DAB1: variants seen among roughly 807,000 people sequenced by gnomAD.
DAB1 encodes the protein disabled homolog 1.
In DAB1, 15 loss-of-function variants were observed where a neutral mutation model predicts 64.6. The observed-to-expected ratio is 0.23, with a 90% CI of 0.16 to 0.36. The LOEUF is 0.36. DAB1 is among the 10% of genes least tolerant of loss of function. The probability of loss-of-function intolerance (pLI) is 1.00; values close to 1 mark genes in which losing one functional copy is unlikely to be tolerated. For missense variants in DAB1, 596 were observed against 706.7 expected, an observed-to-expected ratio of 0.84 and a Z score of 1.78; for synonymous variants, 235 against 251.9, an observed-to-expected ratio of 0.93 and a Z score of 0.64.
At chr1:58,084,107 T>G (rs1430445395) in intron 5 of DAB1, among the ~76,000 whole-genome samples, 2 of 152,184 alleles carry the variant, frequency 1.3e-5, no homozygotes, top group Non-Finnish European at 2.9e-5. Context: ...TGTATATATG[T>G]AAAGACTTAA....
intron 7 of DAB1, among the ~76,000 whole-genome samples, chr1:57,504,906 C>A (rs953477880): frequency 1.3e-5 from 2 of 152,130 alleles, no homozygotes; most frequent in African/African-American, 4.8e-5. Context: ...CAAAATGCCT[C>A]AGCAGAACTC....
At chr1:58,308,084 T>C (rs567505640) in intron 4 of DAB1, among the ~76,000 whole-genome samples, 248 of 152,164 alleles carry the variant, frequency 1.6e-3, no homozygotes, top group Middle Eastern at 3.2e-3. Context: ...CTGTTCACTG[T>C]GCATACAGAG....
chr1:58,496,169 C>CTTTTTTTTTTTTTTTTTTTTTTTTTTTT (rs375006213), intron 3 of DAB1, among the ~76,000 whole-genome samples: 2 of 144,972 alleles, frequency 1.4e-5, no homozygotes, highest in East Asian at 4.3e-4. Context: ...TTTTTTTAGA[C>CTTTTTTTTTTTTTTTTTTTTTTTTTTTT]TTTTTTTTTT....
chr1:57,979,513 C>T (rs1055093349), intron 5 of DAB1, among the ~76,000 whole-genome samples: 4 of 152,022 alleles, frequency 2.6e-5, no homozygotes, highest in East Asian at 3.9e-4. Context: ...TGTATACCTA[C>T]GTAACAAACC....
Position 57,134,520 on chromosome 1 carries a change from G to A in DAB1, c.306+2023C>T, listed in dbSNP as rs138514456. Reference sequence around the variant, plus strand: ...GGAGAATTACTTGAACCTGGGAGGCGGAGGTTGTAGTGAAGGAGGGAGAGG... The same window carrying A: ...GGAGAATTACTTGAACCTGGGAGGCAGAGGTTGTAGTGAAGGAGGGAGAGG... On this transcript the variant is annotated intron_variant, in intron 4 of 14. Coordinates refer to ENST00000371236, the MANE Select transcript of DAB1 (RefSeq NM_001365792.1). Among the ~76,000 whole-genome samples, 249 of 151,608 alleles carry A rather than the reference G, an allele frequency of 1.6e-3. 7 individuals are homozygous for A. The highest frequency in any genetic ancestry group is 5.7e-3 in the African/African-American group (237 of 41,300).
At chr1:57,639,418 A>G (rs910122281) in intron 7 of DAB1, among the ~76,000 whole-genome samples, 1 of 151,952 alleles carries the variant, frequency 6.6e-6, no homozygotes, top group African/African-American at 2.4e-5. Context: ...TTAGTAAATA[A>G]CTTTAAAGTC....
At chr1:57,638,805 A>G (rs1646091338) in intron 7 of DAB1, among the ~76,000 whole-genome samples, 2 of 152,052 alleles carry the variant, frequency 1.3e-5, no homozygotes, top group African/African-American at 4.8e-5. Flanking sequence ...TGTAACAGTC[A>G]TAGGTAATCC....
intron 5 of DAB1, among the ~76,000 whole-genome samples, chr1:58,125,676 G>C (rs760049595): frequency 2.0e-5 from 3 of 152,014 alleles, no homozygotes; most frequent in Non-Finnish European, 4.4e-5. Context: ...GAACTCCTAG[G>C]CTCAAACAAT....
Position 58,000,564 on chromosome 1 carries a change from C to CTTTTTT in DAB1, n.388-116408_388-116403dup, listed in dbSNP as rs869176789. On this transcript the variant is annotated intron_variant and non_coding_transcript_variant, in intron 5 of 20. Transcript: ENST00000485760. ...TATTCTCTCTTCTCCTCTTTTTTGC[C>CTTTTTT]TTTTTTTTTTTTTTTTTTTTTTTTG... Among the ~76,000 whole-genome samples, 63 of 95,728 alleles carry CTTTTTT rather than the reference C, an allele frequency of 6.6e-4. 1 individual carries two copies. Among genetic ancestry groups the CTTTTTT allele is most frequent in the Non-Finnish European group, 7.0e-4 (36 of 51,400 alleles). The allele number at this position is 95,728 out of a possible 152,430, so 62.8% of individuals were successfully genotyped here.
chr1:58,387,241 A>G (rs1361555769), intron 3 of DAB1, among the ~76,000 whole-genome samples: 1 of 152,164 alleles, frequency 6.6e-6, no homozygotes, highest in African/African-American at 2.4e-5. Context: ...GTTCCCCTCC[A>G]CTCTCTGAAG....
chr1:57,427,523 T>C (rs1570507185), upstream of DAB1, among the ~76,000 whole-genome samples: 1 of 152,152 alleles, frequency 6.6e-6, no homozygotes, highest in Admixed American at 6.5e-5. Context: ...AAATCAAATG[T>C]CAGAAATCGT....
chr1:57,344,539 T>G (rs966510919), intron 1 of DAB1, among the ~76,000 whole-genome samples: 1 of 151,976 alleles, frequency 6.6e-6, no homozygotes, highest in Admixed American at 6.5e-5. Flanking sequence ...CGGTGCTAGC[T>G]TAGACTCCCA....
At chr1:57,158,656 T>A (rs1660464218) in intron 2 of DAB1, among the ~76,000 whole-genome samples, 2 of 152,288 alleles carry the variant, frequency 1.3e-5, no homozygotes, top group Admixed American at 1.3e-4. Context: ...CAGGTGTTGA[T>A]TTGCAATGGA....
At chr1:57,149,343 G>A (rs561962020) in intron 2 of DAB1, among the ~76,000 whole-genome samples, 23 of 152,058 alleles carry the variant, frequency 1.5e-4, no homozygotes, top group Non-Finnish European at 2.2e-4. Flanking sequence ...AAATTATTCC[G>A]AAGAAAGGAA....
intron 14 of DAB1, among the ~76,000 whole-genome samples, chr1:57,001,050 AC>A (rs997154677): frequency 4.7e-4 from 72 of 152,202 alleles, no homozygotes; most frequent in African/African-American, 1.6e-3. Context: ...GGTGTGGAAA[AC>A]CCCCAGCAGC....
At chr1:57,350,967 C>T (rs539073392) in intron 1 of DAB1, among the ~76,000 whole-genome samples, 47 of 152,162 alleles carry the variant, frequency 3.1e-4, no homozygotes, top group African/African-American at 1.1e-3. Context: ...TCAAAGGGTT[C>T]GAATGAAACA....
At chr1:57,712,097 A>G (rs1294223841) in intron 6 of DAB1, among the ~76,000 whole-genome samples, 1 of 152,218 alleles carries the variant, frequency 6.6e-6, no homozygotes, top group Non-Finnish European at 1.5e-5. Flanking sequence ...AACATGACTC[A>G]CTACTGTTTT....
intron 7 of DAB1, among the ~76,000 whole-genome samples, chr1:57,443,781 A>G (rs150502675): frequency 1.4e-3 from 214 of 152,128 alleles, no homozygotes; most frequent in East Asian, 6.0e-3. Flanking sequence ...CACCTCCATC[A>G]TCTCTTCTGC....
chr1:57,937,900 G>C (rs1205502733), intron 5 of DAB1, among the ~76,000 whole-genome samples: 2 of 152,262 alleles, frequency 1.3e-5, no homozygotes, highest in Admixed American at 6.5e-5. Flanking sequence ...TAGGGCCCTA[G>C]CTGCCGGCAT....
Sources: gnomAD v4.1 joint callset for allele counts (sites outside exome capture counted in the v4.1 genomes callset) on GRCh38, gnomAD v4.1.1 for gene constraint, MANE v1.5 for transcripts, NCBI Gene and HGNC (gene_info 2026-07-23, HGNC 2026-07-21) for gene names.